Variants in PLEKHA5 observed in about 807,000 individuals in gnomAD.
PLEKHA5 encodes the protein pleckstrin homology domain-containing family A member 5.
PLEKHA5 carries 55 observed loss-of-function variants against 181.9 expected under a neutral mutation model. That is an observed-to-expected ratio of 0.30 (90% CI 0.24 to 0.38). The LOEUF is 0.38. Among genes scored for constraint, PLEKHA5 ranks in the 10% least tolerant of loss-of-function variants. The pLI is 1.00. For synonymous variants in PLEKHA5, 535 were observed against 529.4 expected (o/e 1.01, Z -0.15); for missense variants, 1,432 against 1,549.5 (o/e 0.92, Z 1.27).
At chr12:19,319,860 T>A (rs1007488488) in intron 16 of PLEKHA5, 161 bp from the exon 17 acceptor site, 1 of 481,192 alleles carries the variant, frequency 2.1e-6, no homozygotes, top group African/African-American at 2.0e-5. Context: ...ACTGAATAAT[T>A]CCTTACAATA....
chr12:19,177,465 G>A (rs2047584148), intron 3 of PLEKHA5, among the ~76,000 whole-genome samples: 2 of 152,174 alleles, frequency 1.3e-5, no homozygotes, highest in Non-Finnish European at 2.9e-5. Flanking sequence ...AACTAAGGAT[G>A]AGGGAGGCTA....
intron 11 of PLEKHA5, among the ~76,000 whole-genome samples, chr12:19,279,092 C>G (rs993860331): frequency 2.6e-5 from 4 of 152,072 alleles, no homozygotes; most frequent in Non-Finnish European, 1.5e-5. Context: ...TGGCCATTGG[C>G]TAGATTTTAA....
intron 15 of PLEKHA5, among the ~76,000 whole-genome samples, chr12:19,299,725 G>T (rs2152903815): frequency 6.6e-6 from 1 of 152,266 alleles, no homozygotes; most frequent in Admixed American, 6.5e-5. Context: ...AGTAAGAGGA[G>T]CTTGTAAGCC....
At chr12:19,194,721 G>A (rs73345062) in intron 3 of PLEKHA5, among the ~76,000 whole-genome samples, 2,769 of 152,232 alleles carry the variant, frequency 0.018, 75 homozygotes, top group African/African-American at 0.063. Flanking sequence ...AAGAGGCACA[G>A]ATTTTAGGAT....
intron 3 of PLEKHA5, among the ~76,000 whole-genome samples, chr12:19,225,774 G>A (rs2059607532): frequency 6.6e-6 from 1 of 152,136 alleles, no homozygotes; most frequent in Non-Finnish European, 1.5e-5. Flanking sequence ...TGTGCAGTTT[G>A]GCAATTCCAT....
At chr12:19,237,898 T>C (rs2061669744) in intron 3 of PLEKHA5, among the ~76,000 whole-genome samples, 1 of 151,998 alleles carries the variant, frequency 6.6e-6, no homozygotes, top group Non-Finnish European at 1.5e-5. Flanking sequence ...ATAGCTATTT[T>C]GCTTATAAAT....
At chr12:19,232,306 A>G (rs1335938308) in intron 3 of PLEKHA5, among the ~76,000 whole-genome samples, 5 of 152,112 alleles carry the variant, frequency 3.3e-5, no homozygotes, top group African/African-American at 1.2e-4. Context: ...AGATTGGGGT[A>G]GATCTCTCTG....
chr12:19,324,344 C>G (rs2091606986), intron 20 of PLEKHA5, among the ~76,000 whole-genome samples: 1 of 152,132 alleles, frequency 6.6e-6, no homozygotes, highest in Non-Finnish European at 1.5e-5. Flanking sequence ...TTTCTGTTGT[C>G]TCATTTGAGT....
chr12:19,294,096 A>G (rs1030310643), intron 15 of PLEKHA5, among the ~76,000 whole-genome samples: 7 of 152,200 alleles, frequency 4.6e-5, no homozygotes, highest in Non-Finnish European at 1.0e-4. Context: ...TGAAGTAAGA[A>G]TATTTTGATA....
intron 3 of PLEKHA5, among the ~76,000 whole-genome samples, chr12:19,242,388 G>A (rs750708742): frequency 1.1e-4 from 16 of 151,864 alleles, no homozygotes; most frequent in Non-Finnish European, 2.2e-4. Context: ...ACAGATGGGC[G>A]CCACTGCACA....
chr12:19,225,375 T>G (rs11830213), intron 3 of PLEKHA5, among the ~76,000 whole-genome samples: 15,915 of 152,212 alleles, frequency 0.1, 1,254 homozygotes, highest in African/African-American at 0.22. Context: ...GAGGGTAGGA[T>G]TTTAATTTTC....
intron 3 of PLEKHA5, among the ~76,000 whole-genome samples, chr12:19,171,775 T>C (rs909348979): frequency 6.6e-6 from 1 of 152,236 alleles, no homozygotes; most frequent in African/African-American, 2.4e-5. Context: ...TTTATATCCT[T>C]ATTCTGTATG....
intron 21 of PLEKHA5, among the ~76,000 whole-genome samples, chr12:19,340,945 T>TAAAAAAA (rs58915493): frequency 3.2e-5 from 2 of 62,782 alleles, no homozygotes; most frequent in Non-Finnish European, 1.0e-4. Context: ...GAATGATCAA[T>TAAAAAAA]AAAAAAAAAA....
At chr12:19,213,464 A>T (rs2057363003) in intron 3 of PLEKHA5, among the ~76,000 whole-genome samples, 2 of 152,194 alleles carry the variant, frequency 1.3e-5, no homozygotes, top group Non-Finnish European at 2.9e-5. Flanking sequence ...GCACAGGCAG[A>T]TGAGGAAGGC....
At chr12:19,185,895 T>C (rs2049762609) in intron 3 of PLEKHA5, among the ~76,000 whole-genome samples, 1 of 152,224 alleles carries the variant, frequency 6.6e-6, no homozygotes, top group South Asian at 2.1e-4. Context: ...GGATGGGATA[T>C]TTTTATTAAT....
At chr12:19,374,151 G>A (rs1200890484) in intron 31 of PLEKHA5, among the ~76,000 whole-genome samples, 1 of 152,032 alleles carries the variant, frequency 6.6e-6, no homozygotes, top group African/African-American at 2.4e-5. Flanking sequence ...TACGATGTAG[G>A]CAGCTCAATA....
At chr12:19,165,441 T>G (rs1332055641) in intron 3 of PLEKHA5, among the ~76,000 whole-genome samples, 1 of 152,112 alleles carries the variant, frequency 6.6e-6, no homozygotes. Flanking sequence ...TACTCTATTT[T>G]TTTTTTTTTT....
chr12:19,209,331 A>G (rs1239531093), intron 3 of PLEKHA5, among the ~76,000 whole-genome samples: 2 of 152,170 alleles, frequency 1.3e-5, no homozygotes, highest in East Asian at 3.9e-4. Context: ...GGACAAGACA[A>G]TGTTAGAGAT....
chr12:19,317,329 G>A (rs2089223598), intron 16 of PLEKHA5, among the ~76,000 whole-genome samples: 1 of 151,816 alleles, frequency 6.6e-6, no homozygotes, highest in Non-Finnish European at 1.5e-5. Context: ...GCTCTAGCCT[G>A]GTGGGTGACA....
Sources: gnomAD v4.1 joint callset for allele counts (sites outside exome capture counted in the v4.1 genomes callset) on GRCh38, gnomAD v4.1.1 for gene constraint, MANE v1.5 for transcripts, NCBI Gene and HGNC (gene_info 2026-07-23, HGNC 2026-07-21) for gene names.